CNTLN: variants seen among roughly 807,000 people sequenced by gnomAD.
CNTLN encodes the protein centlein.
In CNTLN, 212 loss-of-function variants were observed where a neutral mutation model predicts 180.0. The observed-to-expected ratio is 1.18, with a 90% CI of 1.05 to 1.32. The LOEUF (loss-of-function observed/expected upper bound fraction) is 1.32. Among genes scored for constraint, CNTLN ranks in the 40% most tolerant of loss-of-function variants. CNTLN has a pLI of 0.00. For synonymous variants in CNTLN, 722 were observed against 563.1 expected (o/e 1.28, Z -3.99); for missense variants, 2,095 against 1,610.9 (o/e 1.30, Z -5.14).
intron 6 of CNTLN, among the ~76,000 whole-genome samples, chr9:17,290,730 G>T (rs1189238729): frequency 6.6e-6 from 1 of 151,550 alleles, no homozygotes; most frequent in Non-Finnish European, 1.5e-5. Flanking sequence ...TTTTTAAGCC[G>T]GTCTGAAAAG....
At chr9:17,527,527 G>A in the CNTLN span, among the ~76,000 whole-genome samples, 2 of 152,162 alleles carry the variant, frequency 1.3e-5, no homozygotes, top group African/African-American at 2.4e-5. Flanking sequence ...TCAGTACATT[G>A]ATGGCAAATG....
intron 18 of CNTLN, among the ~76,000 whole-genome samples, chr9:17,417,694 G>T (rs949873118): frequency 7.2e-5 from 11 of 151,870 alleles, no homozygotes; most frequent in Admixed American, 5.9e-4. Context: ...GTTACTTCTT[G>T]GGAGTTCCTT....
In CNTLN at chr9:17,503,277, G is replaced by A. The variant is rs775061187; in HGVS notation, c.*625G>A. ...TTAACTTCACAATACTATACGTTGTGTAGTCATATAAATTTGCAGGGAACC... is the reference window on the plus strand; with the variant it reads ...TTAACTTCACAATACTATACGTTGTATAGTCATATAAATTTGCAGGGAACC... On this transcript the variant is annotated 3_prime_UTR_variant, in exon 26 of 26. Coordinates refer to ENST00000380647, the MANE Select transcript of CNTLN (RefSeq NM_017738.4). 1 of 152,142 alleles carries A rather than the reference G, an allele frequency of 6.6e-6. No individual in the cohort carries two copies. Among genetic ancestry groups the A allele is most frequent in the African/African-American group, 2.4e-5 (1 of 41,436 alleles). 9.4% of individuals were successfully genotyped at this position (152,142 alleles called of 1,614,324 possible).
chr9:17,143,415 G>T (rs754106717), intron 2 of CNTLN, 39 bp downstream of exon 2: 3 of 1,426,036 alleles, frequency 2.1e-6, no homozygotes, highest in Non-Finnish European at 2.0e-6. Context: ...TATTTGGTGT[G>T]TTGAGTTTGT....
intron 2 of CNTLN, among the ~76,000 whole-genome samples, chr9:17,200,031 G>C (rs993035364): frequency 5.9e-5 from 9 of 152,078 alleles, no homozygotes; most frequent in African/African-American, 2.2e-4. Context: ...GTAAGGAATG[G>C]GGCCAGTTTC....
chr9:17,323,794 G>C (rs1319846600), intron 8 of CNTLN, among the ~76,000 whole-genome samples: 4 of 152,056 alleles, frequency 2.6e-5, no homozygotes, highest in Non-Finnish European at 5.9e-5. Flanking sequence ...AAATCTTCTT[G>C]CTAATAATTT....
In CNTLN at chr9:17,396,290, G is replaced by A. The variant is rs192121354; in HGVS notation, c.2615+1221G>A. On this transcript the variant is annotated intron_variant, in intron 15 of 25. Transcript: ENST00000380647. ...TGCTTTCACTTTGCACTGTGGACTCGCCCTGAATTCCTTCTTGTGCAAGAT... is the reference window on the plus strand; with the variant it reads ...TGCTTTCACTTTGCACTGTGGACTCACCCTGAATTCCTTCTTGTGCAAGAT... Among the ~76,000 whole-genome samples, 867 of 152,116 alleles carry A rather than the reference G, an allele frequency of 5.7e-3. 6 individuals carry two copies. Among genetic ancestry groups the A allele is most frequent in the Admixed American group, 8.2e-3 (126 of 15,282 alleles).
chr9:17,468,934 C>T (rs576795430), intron 23 of CNTLN, among the ~76,000 whole-genome samples: 30 of 151,742 alleles, frequency 2.0e-4, no homozygotes, highest in Middle Eastern at 3.4e-3. Flanking sequence ...TGTGTTTTCA[C>T]GACTTTTTAA....
chr9:17,475,740 G>A (rs1049005860), intron 23 of CNTLN, among the ~76,000 whole-genome samples: 3 of 151,980 alleles, frequency 2.0e-5, no homozygotes, highest in Non-Finnish European at 4.4e-5. Context: ...GGGCATGGTG[G>A]TGGGCACCTG....
chr9:17,350,116 A>T (rs1822238072), intron 12 of CNTLN, among the ~76,000 whole-genome samples: 1 of 152,210 alleles, frequency 6.6e-6, no homozygotes, highest in South Asian at 2.1e-4. Context: ...AAGTATTAGT[A>T]AAAAAAGTTT....
At chr9:17,192,331 C>T (rs1243083799) in intron 2 of CNTLN, among the ~76,000 whole-genome samples, 4 of 151,160 alleles carry the variant, frequency 2.6e-5, no homozygotes, top group Admixed American at 1.3e-4. Context: ...CTCTGCCTCC[C>T]GGGTTCAAGC....
chr9:17,480,528 C>T (rs1362378022), intron 23 of CNTLN, among the ~76,000 whole-genome samples: 1 of 152,120 alleles, frequency 6.6e-6, no homozygotes. Context: ...GTACTATACT[C>T]AGAAATCAAT....
chr9:17,449,997 T>C (rs900141205), intron 18 of CNTLN, among the ~76,000 whole-genome samples: 4 of 152,228 alleles, frequency 2.6e-5, no homozygotes, highest in Admixed American at 2.6e-4. Context: ...AGTTACAAAA[T>C]ATTTAATTGG....
At chr9:17,272,039 T>TTTCC (rs932405844) in intron 5 of CNTLN, among the ~76,000 whole-genome samples, 2 of 141,140 alleles carry the variant, frequency 1.4e-5, no homozygotes, top group African/African-American at 5.4e-5. Context: ...TCCTTCCTTT[T>TTTCC]TTCCTTCCTT....
Position 17,179,315 on chromosome 9 carries a change from C to G in CNTLN, c.449+35939C>G, listed in dbSNP as rs114284753. ...ATTTTTCCTGTTTTGTAACGTACAC[C>G]TTTAATTTTATAAATTTTCCTCTCA... On this transcript the variant is annotated intron_variant, in intron 2 of 25. Transcript: ENST00000380647. Among the ~76,000 whole-genome samples, 770 of 151,000 alleles carry G rather than the reference C, an allele frequency of 5.1e-3. 6 individuals are homozygous for G. The highest frequency in any genetic ancestry group is 7.3e-3 in the Admixed American group (111 of 15,176).
At position 17,270,944 on chromosome 9, in the gene CNTLN, G is replaced by GTTTT. The variant is rs1470630293; in HGVS notation, c.850-2787_850-2786insTTTT. Among the ~76,000 whole-genome samples the GTTTT allele has an allele frequency of 1.7e-4, 18 of 105,470 alleles. 1 individual carries two copies. Among genetic ancestry groups the GTTTT allele is most frequent in the African/African-American group, 4.9e-4 (12 of 24,474 alleles). The allele number at this position is 105,470 out of a possible 152,430, so 69.2% of individuals were successfully genotyped here. ...TCAAGGGCATTTCCTTCAGAGAGGAGTTCTTTTTTTTTTTTTTTTTTTTTG... is the reference window on the plus strand; with the variant it reads ...TCAAGGGCATTTCCTTCAGAGAGGAGTTTTTTCTTTTTTTTTTTTTTTTTTTTTG... On this transcript the variant is annotated intron_variant, in intron 5 of 25. Coordinates refer to ENST00000380647, the MANE Select transcript of CNTLN (RefSeq NM_017738.4).
intron 18 of CNTLN, among the ~76,000 whole-genome samples, chr9:17,419,135 T>C (rs563052289): frequency 4.0e-4 from 61 of 152,266 alleles, no homozygotes; most frequent in Admixed American, 7.8e-4. Flanking sequence ...GTTTGTTTTT[T>C]TTACATTTTG....
chr9:17,352,812 T>G (rs12376973), intron 12 of CNTLN, among the ~76,000 whole-genome samples: 34,463 of 152,192 alleles, frequency 0.23, 4,190 homozygotes, highest in South Asian at 0.34. Context: ...TCATACAATA[T>G]GTGACCTTTG....
At chr9:17,164,125 A>C (rs1254475031) in intron 2 of CNTLN, among the ~76,000 whole-genome samples, 2 of 151,990 alleles carry the variant, frequency 1.3e-5, no homozygotes, top group South Asian at 4.2e-4. Context: ...CAGCCTGTCC[A>C]ACATGGCGAA....
Sources: gnomAD v4.1 joint callset for allele counts (sites outside exome capture counted in the v4.1 genomes callset) on GRCh38, gnomAD v4.1.1 for gene constraint, MANE v1.5 for transcripts, NCBI Gene and HGNC (gene_info 2026-07-23, HGNC 2026-07-21) for gene names.